The following HEMK2 variants were observed in gnomAD, a reference collection of about 807,000 sequenced individuals.
The protein encoded by HEMK2 is HemK methyltransferase 2, ETF1 glutamine and histone H4 lysine.
the HEMK2 span, among the ~76,000 whole-genome samples, chr21:28,671,820 C>T: frequency 6.6e-6 from 1 of 152,152 alleles, no homozygotes; most frequent in African/African-American, 2.4e-5. Context: ...GAATCATTTC[C>T]ACTCTTTGAA....
the HEMK2 span, among the ~76,000 whole-genome samples, chr21:28,607,679 T>G: frequency 1.3e-5 from 2 of 152,200 alleles, no homozygotes; most frequent in Non-Finnish European, 2.9e-5. Context: ...GTCTTATTTA[T>G]TACCATAACC....
At chr21:28,848,825 C>T in the HEMK2 span, among the ~76,000 whole-genome samples, 1 of 152,192 alleles carries the variant, frequency 6.6e-6, no homozygotes, top group East Asian at 1.9e-4. Flanking sequence ...TATGAATACA[C>T]ACATGGAGGC....
chr21:28,765,538 A>C, the HEMK2 span, among the ~76,000 whole-genome samples: 1 of 152,100 alleles, frequency 6.6e-6, no homozygotes, highest in Non-Finnish European at 1.5e-5. Flanking sequence ...ATTTATATTG[A>C]ATACTTTTAA....
the HEMK2 span, among the ~76,000 whole-genome samples, chr21:28,812,576 C>T: frequency 1.3e-5 from 2 of 152,170 alleles, no homozygotes; most frequent in Non-Finnish European, 2.9e-5. Context: ...TGATGTTCAT[C>T]AGGGATATTG....
the HEMK2 span, among the ~76,000 whole-genome samples, chr21:28,868,675 C>A: frequency 6.6e-6 from 1 of 152,122 alleles, no homozygotes; most frequent in African/African-American, 2.4e-5. Context: ...CAGAGCAAGA[C>A]CTTGTCTCAA....
the HEMK2 span, among the ~76,000 whole-genome samples, chr21:28,857,291 T>A: frequency 6.8e-6 from 1 of 147,816 alleles, no homozygotes; most frequent in African/African-American, 2.5e-5. Context: ...AATTTCTACC[T>A]TAAAATTGTA....
At chr21:28,704,598 G>C in the HEMK2 span, among the ~76,000 whole-genome samples, 1 of 151,784 alleles carries the variant, frequency 6.6e-6, no homozygotes, top group Non-Finnish European at 1.5e-5. Flanking sequence ...ATTATACTAG[G>C]GTTATGAAAT....
At chr21:28,731,877 C>G in the HEMK2 span, among the ~76,000 whole-genome samples, 1 of 152,280 alleles carries the variant, frequency 6.6e-6, no homozygotes, top group East Asian at 1.9e-4. Flanking sequence ...GCAGAGCACC[C>G]TAGGACTGCA....
At chr21:28,618,280 A>G in the HEMK2 span, among the ~76,000 whole-genome samples, 1 of 152,156 alleles carries the variant, frequency 6.6e-6, no homozygotes, top group Admixed American at 6.5e-5. Flanking sequence ...TCAAAGTAAA[A>G]TGTTCAGGTT....
At chr21:28,675,320 G>A in the HEMK2 span, among the ~76,000 whole-genome samples, 2 of 152,142 alleles carry the variant, frequency 1.3e-5, no homozygotes, top group Non-Finnish European at 2.9e-5. Flanking sequence ...GATAATAAAT[G>A]AATACATCTC....
chr21:28,715,800 CTTAAG>C, the HEMK2 span, among the ~76,000 whole-genome samples: 1 of 152,224 alleles, frequency 6.6e-6, no homozygotes, highest in South Asian at 2.1e-4. Context: ...TTTAATCTAT[CTTAAG>C]TTAATTTTTG....
the HEMK2 span, chr21:28,875,222 T>C: frequency 6.6e-6 from 1 of 152,250 alleles, no homozygotes; most frequent in Non-Finnish European, 1.5e-5. Flanking sequence ...TTCCATCTGA[T>C]GACAGAGTGT....
the HEMK2 span, among the ~76,000 whole-genome samples, chr21:28,578,154 C>T: frequency 6.6e-6 from 1 of 152,206 alleles, no homozygotes; most frequent in Non-Finnish European, 1.5e-5. Flanking sequence ...ATCTTTCAGG[C>T]TCCTGGAAAA....
At chr21:28,771,522 C>G in the HEMK2 span, among the ~76,000 whole-genome samples, 6 of 119,268 alleles carry the variant, frequency 5.0e-5, no homozygotes, top group East Asian at 1.3e-3. Flanking sequence ...TGCACCACCC[C>G]CCCCCGCCAA....
At chr21:28,646,652 T>C in the HEMK2 span, among the ~76,000 whole-genome samples, 9 of 152,338 alleles carry the variant, frequency 5.9e-5, no homozygotes, top group East Asian at 1.7e-3. Context: ...AGGTGGCAGC[T>C]GGATTTGGAG....
the HEMK2 span, among the ~76,000 whole-genome samples, chr21:28,770,712 T>G: frequency 6.6e-6 from 1 of 152,150 alleles, no homozygotes; most frequent in East Asian, 1.9e-4. Context: ...CCTTCCACCA[T>G]GAGATCACAC....
the HEMK2 span, among the ~76,000 whole-genome samples, chr21:28,676,041 C>T: frequency 2.0e-5 from 3 of 152,198 alleles, no homozygotes; most frequent in Non-Finnish European, 4.4e-5. Context: ...TCTGGGCCTT[C>T]GGAGTCAGAG....
At chr21:28,662,626 C>T in the HEMK2 span, among the ~76,000 whole-genome samples, 47 of 152,172 alleles carry the variant, frequency 3.1e-4, no homozygotes, top group Admixed American at 5.9e-4. Flanking sequence ...GATGGTTACT[C>T]CCATGCTGCT....
the HEMK2 span, among the ~76,000 whole-genome samples, chr21:28,784,264 G>T: frequency 1.8e-4 from 28 of 152,362 alleles, no homozygotes; most frequent in African/African-American, 6.5e-4. Flanking sequence ...CTAGCTAAGG[G>T]ATTGTAAATA....
Sources: allele counts gnomAD v4.1 joint callset (sites outside exome capture counted in the v4.1 genomes callset), GRCh38; gene constraint gnomAD v4.1.1; transcripts MANE v1.5; gene names NCBI Gene and HGNC (gene_info 2026-07-23, HGNC 2026-07-21).